MTPN: variants seen among roughly 807,000 people sequenced by gnomAD.
The protein encoded by MTPN is myotrophin.
A neutral mutation model predicts 13.5 loss-of-function variants in MTPN; 2 were observed. That is an observed-to-expected ratio of 0.15 (90% confidence interval 0.06 to 0.47). MTPN has a LOEUF of 0.47. MTPN is among the 20% of genes least tolerant of loss of function. The pLI is 0.97. For synonymous variants in MTPN, 46 were observed against 51.7 expected (o/e 0.89, Z 0.48); for missense variants, 79 against 137.9 (o/e 0.57, Z 2.14).
chr7:135,951,220 A>G (rs2116375552), intron 2 of MTPN, among the ~76,000 whole-genome samples: 1 of 152,322 alleles, frequency 6.6e-6, no homozygotes, highest in Middle Eastern at 3.4e-3. Flanking sequence ...CATCATAGCC[A>G]TTTGTTACCC....
At chr7:135,950,451 C>G in intron 3 of MTPN, 148 bp downstream of exon 3, 1 of 645,494 alleles carries the variant, frequency 1.5e-6, no homozygotes, top group Non-Finnish European at 2.7e-6. Context: ...TATGGGCCAG[C>G]TATTTTGAGT....
At chr7:135,944,705 T>C (rs1240060881) in intron 3 of MTPN, among the ~76,000 whole-genome samples, 2 of 152,122 alleles carry the variant, frequency 1.3e-5, no homozygotes, top group Non-Finnish European at 2.9e-5. Flanking sequence ...AGTGTATTAA[T>C]ACTACAGGCA....
At chr7:135,942,278 A>G (rs1317427640) in intron 3 of MTPN, among the ~76,000 whole-genome samples, 1 of 152,090 alleles carries the variant, frequency 6.6e-6, no homozygotes. Context: ...CATAAAGTTA[A>G]TTTTCTTCAG....
At chr7:135,955,912 G>A (rs1799437749) in intron 1 of MTPN, among the ~76,000 whole-genome samples, 1 of 151,326 alleles carries the variant, frequency 6.6e-6, no homozygotes, top group Non-Finnish European at 1.5e-5. Context: ...AAACTTCCTT[G>A]GCCTACAAAA....
intron 3 of MTPN, among the ~76,000 whole-genome samples, chr7:135,941,565 TG>T (rs142515149): frequency 0.014 from 2,063 of 152,280 alleles, 22 homozygotes; most frequent in African/African-American, 0.028. Flanking sequence ...CTTACTCAAA[TG>T]ACAAAAACTA....
At position 135,969,520 on chromosome 7, in the gene MTPN, C is replaced by CA. The variant is rs5887753; in HGVS notation, c.72+7508dup. Among the ~76,000 whole-genome samples, 17 of 148,316 alleles carry CA rather than the reference C, an allele frequency of 1.1e-4. No homozygotes were observed. The East Asian group carries it at 1.2e-3, about 10-fold the overall frequency. Reference sequence around the variant, plus strand: ...TAATAATAAATGGTATGAGAACTGTCAAAAAAAAAGTATACACTTATTTCA... The same window carrying CA: ...TAATAATAAATGGTATGAGAACTGTCAAAAAAAAAAGTATACACTTATTTCA... On this transcript the variant is annotated intron_variant, in intron 1 of 3. Coordinates refer to ENST00000393085, the MANE Select transcript of MTPN (RefSeq NM_145808.4).
At chr7:135,936,737 A>C (rs1799120962) in intron 3 of MTPN, among the ~76,000 whole-genome samples, 1 of 152,204 alleles carries the variant, frequency 6.6e-6, no homozygotes, top group Non-Finnish European at 1.5e-5. Flanking sequence ...ATTTGCCTAC[A>C]GCATGATTCT....
intron 1 of MTPN, among the ~76,000 whole-genome samples, chr7:135,967,722 T>G (rs1799627478): frequency 6.6e-6 from 1 of 152,150 alleles, no homozygotes; most frequent in Non-Finnish European, 1.5e-5. Context: ...AGTTTACACT[T>G]ATTATGTAGG....
Position 135,975,332 on chromosome 7 carries a change from A to G in MTPN, c.72+1697T>C, listed in dbSNP as rs544310929. On this transcript the variant is annotated intron_variant, in intron 1 of 3. Transcript: ENST00000393085. ...TGGTATGATACGCTTTCACAATTAG[A>G]TCTTAGACTGAGAGATAGTGCGTGG... Among the ~76,000 whole-genome samples the G allele has an allele frequency of 2.6e-5, 4 of 152,316 alleles. No individual in the cohort carries two copies. In the South Asian group the frequency reaches 6.2e-4, roughly 24 times the overall value.
At chr7:135,938,837 T>C (rs189554365) in intron 3 of MTPN, among the ~76,000 whole-genome samples, 19 of 152,234 alleles carry the variant, frequency 1.2e-4, no homozygotes, top group African/African-American at 4.6e-4. Context: ...TAACCAAAAC[T>C]TCAACAGACC....
At chr7:135,937,368 G>GATAC (rs746369869) in intron 3 of MTPN, among the ~76,000 whole-genome samples, 6 of 137,776 alleles carry the variant, frequency 4.4e-5, no homozygotes, top group Non-Finnish European at 9.3e-5. Flanking sequence ...GTGCTAACTG[G>GATAC]ATACACACAC....
At chr7:135,933,423 ATGAAGTAATTTTAT>A (rs1336471852) in intron 3 of MTPN, among the ~76,000 whole-genome samples, 2 of 152,146 alleles carry the variant, frequency 1.3e-5, no homozygotes, top group Non-Finnish European at 2.9e-5. Context: ...ATCAATTCTC[ATGAAGTAATTTTAT>A]AAGATACTTT....
In MTPN at chr7:135,950,826, A is replaced by C. The variant is rs182588699; in HGVS notation, c.187-144T>G. On this transcript the variant is annotated intron_variant, in intron 2 of 3. Coordinates refer to ENST00000393085, the MANE Select transcript of MTPN (RefSeq NM_145808.4). ...AATCAATCCACAGAGTCAAGTGTCT[A>C]GTCTCTTAAAGCTACCAGAGACCCA... 3 of 671,464 alleles carry C rather than the reference A, an allele frequency of 4.5e-6. No individual in the cohort carries two copies. In the African/African-American group the frequency reaches 5.4e-5, roughly 12 times the overall value. 41.6% of individuals were successfully genotyped at this position (671,464 alleles called of 1,614,324 possible).
chr7:135,962,085 A>C (rs531937195), intron 1 of MTPN, among the ~76,000 whole-genome samples: 10 of 152,184 alleles, frequency 6.6e-5, no homozygotes, highest in African/African-American at 2.2e-4. Flanking sequence ...TTTGTACTCT[A>C]TGGAAATTGT....
chr7:135,952,320 T>C (rs763496101), intron 1 of MTPN, among the ~76,000 whole-genome samples: 1 of 152,190 alleles, frequency 6.6e-6, no homozygotes, highest in Non-Finnish European at 1.5e-5. Flanking sequence ...AATGGAGGTA[T>C]AGTGCCAGAA....
In MTPN at chr7:135,977,228, GTT is replaced by G; in HGVS notation, c.-130_-129del. 1 of 931,456 alleles carries G rather than the reference GTT, an allele frequency of 1.1e-6. No homozygotes were observed. Among genetic ancestry groups the G allele is most frequent in the Non-Finnish European group, 1.7e-6 (1 of 588,542 alleles). 57.7% of individuals were successfully genotyped at this position (931,456 alleles called of 1,614,324 possible). A position where few individuals can be genotyped will look rare whatever the true frequency, so the allele number is the denominator to read the frequency against. On this transcript the variant is annotated 5_prime_UTR_variant, in exon 1 of 4. Transcript: ENST00000393085. ...CGGAGAGGAGAAGAAGAGAAGGAGG[GTT>G]AGGCTGCCAGGCGGGCGAGGCAGTT...
chr7:135,965,077 T>C (rs907609738), intron 1 of MTPN, among the ~76,000 whole-genome samples: 1 of 152,108 alleles, frequency 6.6e-6, no homozygotes, highest in Admixed American at 6.6e-5. Flanking sequence ...CTAAAATATT[T>C]ACTAGCTGCC....
rs369575896 is a variant in MTPN at position 135,975,002 on chromosome 7, T to C, written c.72+2027A>G. ...CAATGCTCTGTACATCAGATTACAT[T>C]ACAGTTACAGTCATATCTTTTTGGA... On this transcript the variant is annotated intron_variant, in intron 1 of 3. Transcript: ENST00000393085. 8.5e-5 allele frequency among the ~76,000 whole-genome samples: 13 copies of C among 152,350 alleles called. No individual in the cohort carries two copies. In the South Asian group the frequency reaches 1.9e-3, roughly 22 times the overall value.
intron 3 of MTPN, among the ~76,000 whole-genome samples, chr7:135,937,598 T>C (rs572599587): frequency 6.6e-6 from 1 of 152,214 alleles, no homozygotes; most frequent in Non-Finnish European, 1.5e-5. Context: ...AGATTACTTA[T>C]AATACCTAAT....
Sources: gnomAD v4.1 joint callset for allele counts (sites outside exome capture counted in the v4.1 genomes callset) on GRCh38, gnomAD v4.1.1 for gene constraint, MANE v1.5 for transcripts, NCBI Gene and HGNC (gene_info 2026-07-23, HGNC 2026-07-21) for gene names.